The following LRRK1 variants were observed in gnomAD, a reference collection of about 807,000 sequenced individuals.
LRRK1 encodes the protein leucine rich repeat kinase 1, also known as leucine-rich repeat serine/threonine-protein kinase 1.
Under a neutral mutation model 209.1 loss-of-function variants are expected in LRRK1, and 113 were observed. The observed-to-expected ratio is 0.54, with a 90% CI of 0.46 to 0.63. LRRK1 has a LOEUF of 0.63. Ranked by LOEUF, LRRK1 falls within the 30% of genes least tolerant of loss-of-function variation. The probability of loss-of-function intolerance (pLI) is 0.00; values close to 1 mark genes in which losing one functional copy is unlikely to be tolerated. For missense variants in LRRK1, 2,284 were observed against 2,632.2 expected (o/e 0.87, Z 2.89); for synonymous variants, 1,144 against 1,099.7 (o/e 1.04, Z -0.80).
At position 101,027,394 on chromosome 15, in the gene LRRK1, C is replaced by A; in HGVS notation, c.2526+13C>A. On this transcript the variant is annotated intron_variant, in intron 18 of 33. Transcript: ENST00000388948. The surrounding 1 kb of genome is among the most constrained non-coding windows in gnomAD (Gnocchi z 5.1). ...GGCAGGGCGGCTGGTGGGTACCTTG[C>A]TGGTCCAGTTTAAACCAGTCTGCCT... 6.2e-7 allele frequency: 1 copy of A among 1,611,836 alleles called. No homozygotes were observed.
intron 2 of LRRK1, among the ~76,000 whole-genome samples, chr15:100,949,496 A>T (rs1310353590): frequency 6.6e-6 from 1 of 152,216 alleles, no homozygotes; most frequent in Admixed American, 6.5e-5. Flanking sequence ...CCAAACAATA[A>T]AATATGGAAG....
Position 101,061,179 on chromosome 15 carries a change from C to A in LRRK1, c.4688C>A (p.Thr1563Lys). 1 of 1,612,910 alleles carries A rather than the reference C, an allele frequency of 6.2e-7. No homozygotes were observed. The highest frequency in any genetic ancestry group is 8.5e-7 in the Non-Finnish European group (1 of 1,179,048). ...GTTTCTGCCACTTACAGGAACTACA[C>A]GGTGGTGAACACAGAGAAGGGCCTC... Reference protein sequence around the residue: ...WDGKEESRNYTVVNTEKGLME... With the variant: ...WDGKEESRNYKVVNTEKGLME... The change falls in exon 30 of 34, where the codon ACG becomes AAG. Residue 1563 changes from threonine to lysine, a missense_variant. Transcript: ENST00000388948.
At position 101,027,782 on chromosome 15, in the gene LRRK1, G is replaced by A. The variant is rs746169733; in HGVS notation, c.2671G>A (p.Glu891Lys). 2.5e-6 allele frequency: 4 copies of A among 1,588,166 alleles called. No individual in the cohort carries two copies. Among genetic ancestry groups the A allele is most frequent in the South Asian group, 1.1e-5 (1 of 87,318 alleles). ...QTPDNDIKDY[E>K]DLQSAISFLI... ...GCCCGACAACGACATCAAGGACTAC[G>A]AGGACCTGCAGTCAGGTGGGTGGGG... The change falls in exon 19 of 34, where the codon GAG becomes AAG. Residue 891 changes from glutamate to lysine, a missense_variant. By Grantham distance (56) the Glu-to-Lys change is moderately conservative. Transcript: ENST00000388948. This position sits in a 1 kb window ranked among gnomAD's most constrained non-coding sequence, Gnocchi z 5.1.
intron 12 of LRRK1, among the ~76,000 whole-genome samples, chr15:101,019,857 C>T (rs992500735): frequency 6.6e-6 from 1 of 152,222 alleles, no homozygotes; most frequent in African/African-American, 2.4e-5. Flanking sequence ...ATCCAAACCT[C>T]TGATTCCCAT....
Position 101,022,088 on chromosome 15 carries a change from A to T in LRRK1, c.1852+131A>T. The T allele has an allele frequency of 1.5e-6, 1 of 673,696 alleles. No individual in the cohort carries two copies. Among genetic ancestry groups the T allele is most frequent in the Non-Finnish European group, 2.5e-6 (1 of 397,722 alleles). The allele number at this position is 673,696 out of a possible 1,614,324, so 41.7% of individuals were successfully genotyped here. On this transcript the variant is annotated intron_variant, in intron 14 of 33. Transcript: ENST00000388948. The surrounding 1 kb of genome is among the most constrained non-coding windows in gnomAD (Gnocchi z 4.0). ...AGCTCCAGGTTCCAGATTTGACAAG[A>T]TGCTATAAAATTGTCCCTAAAGCAA...
chr15:101,045,960 G>C, intron 20 of LRRK1, 21 bp from the exon 21 acceptor site: 2 of 1,611,698 alleles, frequency 1.2e-6, no homozygotes, highest in South Asian at 2.2e-5. Flanking sequence ...CTGTTCACCA[G>C]TCCCCCTTGG....
intron 2 of LRRK1, among the ~76,000 whole-genome samples, chr15:100,957,408 T>G (rs1408908102): frequency 6.6e-6 from 1 of 152,264 alleles, no homozygotes; most frequent in Non-Finnish European, 1.5e-5. Flanking sequence ...TCCCCTACTA[T>G]TATTATATTG....
At chr15:101,061,694 C>T (rs912931202) in intron 30 of LRRK1, among the ~76,000 whole-genome samples, 9 of 152,168 alleles carry the variant, frequency 5.9e-5, no homozygotes, top group African/African-American at 1.7e-4. Context: ...TGAGAAGTCC[C>T]GAGACAACTG....
chr15:101,056,936 G>A lies in LRRK1; in HGVS notation c.4413G>A (p.Gln1471=), dbSNP rs756290924. The A allele has an allele frequency of 5.6e-6, 9 of 1,614,070 alleles. No homozygotes were observed. In the Admixed American group the frequency reaches 1.5e-4, roughly 27 times the overall value. ...CTGCACTGGGCCACCACCAGCTCCA[G>A]ATTGCCAAGAAGCTGTCCAAGGGCA... ...QRPALGHHQL[Q]IAKKLSKGIR... Residue 1471 remains glutamine (Q), a synonymous_variant, in exon 28 of 34, where the codon CAG becomes CAA. Transcript: ENST00000388948.
chr15:101,026,485 C>T (rs1276611297), intron 17 of LRRK1, among the ~76,000 whole-genome samples: 1 of 152,236 alleles, frequency 6.6e-6, no homozygotes, highest in Non-Finnish European at 1.5e-5. Flanking sequence ...CAAGGACAGA[C>T]CCTGGGGAGG....
chr15:100,988,345 G>T (rs1371307919), intron 4 of LRRK1, among the ~76,000 whole-genome samples: 2 of 151,920 alleles, frequency 1.3e-5, no homozygotes, highest in Non-Finnish European at 2.9e-5. Flanking sequence ...TCCCTTCTTT[G>T]TGTCCACGTG....
At chr15:101,060,100 A>G (rs2036070769) in intron 29 of LRRK1, among the ~76,000 whole-genome samples, 1 of 152,158 alleles carries the variant, frequency 6.6e-6, no homozygotes, top group Non-Finnish European at 1.5e-5. Context: ...CTGCGGCCTG[A>G]AGAGAGACTC....
chr15:100,945,920 T>C (rs146644230), intron 2 of LRRK1, among the ~76,000 whole-genome samples: 2 of 152,332 alleles, frequency 1.3e-5, no homozygotes, highest in African/African-American at 4.8e-5. Context: ...AAGATCTATC[T>C]AAGAACACAG....
At chr15:100,947,202 C>T (rs2042557420) in intron 2 of LRRK1, among the ~76,000 whole-genome samples, 1 of 152,124 alleles carries the variant, frequency 6.6e-6, no homozygotes, top group African/African-American at 2.4e-5. Context: ...CGTGATCCGC[C>T]CGCCTCGGCC....
intron 6 of LRRK1, among the ~76,000 whole-genome samples, chr15:101,004,176 T>A (rs1394577528): frequency 6.6e-6 from 1 of 152,010 alleles, no homozygotes. Flanking sequence ...TCACTGCCAG[T>A]AGGAAGGCAA....
chr15:101,037,325 G>C (rs957167831), intron 20 of LRRK1, among the ~76,000 whole-genome samples: 1 of 152,186 alleles, frequency 6.6e-6, no homozygotes, highest in Non-Finnish European at 1.5e-5. Flanking sequence ...CAGCAGAGTC[G>C]GTAGGCCCAA....
chr15:101,048,109 A>G (rs2035190464), intron 21 of LRRK1, among the ~76,000 whole-genome samples: 1 of 152,178 alleles, frequency 6.6e-6, no homozygotes, highest in African/African-American at 2.4e-5. Flanking sequence ...GAAAAAAAAA[A>G]AATCCTGGAA....
At chr15:101,062,118 G>C (rs1227661031) in intron 30 of LRRK1, among the ~76,000 whole-genome samples, 1 of 152,156 alleles carries the variant, frequency 6.6e-6, no homozygotes, top group Non-Finnish European at 1.5e-5. Flanking sequence ...GCGAGAGCAA[G>C]GGCTCTGCCT....
intron 6 of LRRK1, among the ~76,000 whole-genome samples, chr15:100,996,699 G>T (rs1017330884): frequency 6.6e-6 from 1 of 152,222 alleles, no homozygotes; most frequent in Non-Finnish European, 1.5e-5. Context: ...CCAGGGTCAC[G>T]TGGCAGAATA....
Sources: allele counts gnomAD v4.1 joint callset (sites outside exome capture counted in the v4.1 genomes callset), GRCh38; gene constraint gnomAD v4.1.1; non-coding constraint Gnocchi (gnomAD v3.1); transcripts MANE v1.5; gene names NCBI Gene and HGNC (gene_info 2026-07-23, HGNC 2026-07-21).